The following MEGF11 variants were observed in gnomAD, a reference collection of about 807,000 sequenced individuals.
MEGF11 encodes multiple epidermal growth factor-like domains protein 11.
In MEGF11, 126 loss-of-function variants were observed where a neutral mutation model predicts 146.6. That is an observed-to-expected ratio of 0.86 (90% confidence interval 0.74 to 1.00). The LOEUF (loss-of-function observed/expected upper bound fraction) is 1.00. Ranked by LOEUF, MEGF11 falls within the 50% of genes least tolerant of loss-of-function variation. MEGF11 has a pLI of 0.00. For missense variants in MEGF11, 1,509 were observed against 1,521.2 expected (o/e 0.99, Z 0.13); for synonymous variants, 532 against 583.4 (o/e 0.91, Z 1.27).
intron 1 of MEGF11, among the ~76,000 whole-genome samples, chr15:66,172,261 A>T (rs1275649788): frequency 6.6e-6 from 1 of 152,136 alleles, no homozygotes; most frequent in African/African-American, 2.4e-5. Flanking sequence ...GCAGGAATCA[A>T]AAAATGTCTC....
At chr15:66,001,773 T>C in intron 5 of MEGF11, among the ~76,000 whole-genome samples, 1 of 152,236 alleles carries the variant, frequency 6.6e-6, no homozygotes, top group East Asian at 1.9e-4. Context: ...ACTGGATGTT[T>C]GAACCAAAGG....
rs147863293 is a variant in MEGF11 at position 66,050,418 on chromosome 15, G to A, written c.394+43984C>T. Among the ~76,000 whole-genome samples, 147 of 152,328 alleles carry A rather than the reference G, an allele frequency of 9.7e-4. 2 individuals are homozygous for A. In the East Asian group the frequency reaches 0.026, roughly 27 times the overall value. On this transcript the variant is annotated intron_variant, in intron 5 of 25. Coordinates refer to ENST00000395614, the MANE Select transcript of MEGF11 (RefSeq NM_001385028.1). ...ACACATTTGAGCAAAGACCTGAAGC[G>A]AGCAGTGAGCCATGTGGAGGCAGAG...
intron 3 of MEGF11, among the ~76,000 whole-genome samples, chr15:66,121,582 G>A (rs575641657): frequency 2.0e-5 from 3 of 152,256 alleles, no homozygotes; most frequent in Admixed American, 6.5e-5. Context: ...AATACTCCGG[G>A]CAACTAAAAT....
intron 9 of MEGF11, among the ~76,000 whole-genome samples, chr15:65,961,710 G>C (rs999384424): frequency 1.3e-5 from 2 of 152,254 alleles, no homozygotes; most frequent in African/African-American, 2.4e-5. Context: ...AGACCAGAGA[G>C]AGGCTGGAGC....
chr15:66,053,851 C>T (rs1382946108), intron 5 of MEGF11, among the ~76,000 whole-genome samples: 1 of 151,086 alleles, frequency 6.6e-6, no homozygotes, highest in Admixed American at 6.6e-5. Flanking sequence ...ACCTTAGCCT[C>T]CCAAATAGCT....
intron 5 of MEGF11, among the ~76,000 whole-genome samples, chr15:66,088,342 C>T (rs529599446): frequency 3.1e-4 from 47 of 152,306 alleles, no homozygotes; most frequent in African/African-American, 1.0e-3. Flanking sequence ...CACCCTAATA[C>T]CAAAACCAGG....
At chr15:66,224,006 C>T (rs1375305763) in intron 1 of MEGF11, among the ~76,000 whole-genome samples, 4 of 151,928 alleles carry the variant, frequency 2.6e-5, no homozygotes, top group Admixed American at 1.3e-4. Context: ...GTACAGGTGA[C>T]GGGCCTCTTT....
At chr15:66,093,322 A>T (rs765123649) in intron 5 of MEGF11, among the ~76,000 whole-genome samples, 1 of 152,220 alleles carries the variant, frequency 6.6e-6, no homozygotes, top group Non-Finnish European at 1.5e-5. Flanking sequence ...ATAACTAGAT[A>T]TTTCCACTGC....
At chr15:66,090,627 T>A (rs904314487) in intron 5 of MEGF11, among the ~76,000 whole-genome samples, 4 of 152,138 alleles carry the variant, frequency 2.6e-5, no homozygotes, top group African/African-American at 4.8e-5. Context: ...AATTCTAAAT[T>A]CTGAAGCCAG....
intron 5 of MEGF11, among the ~76,000 whole-genome samples, chr15:66,034,267 T>A (rs1423365513): frequency 6.6e-6 from 1 of 152,210 alleles, no homozygotes; most frequent in African/African-American, 2.4e-5. Context: ...CATATCTGAT[T>A]CAGATGAGAC....
intron 1 of MEGF11, among the ~76,000 whole-genome samples, chr15:66,165,345 G>A (rs1276277909): frequency 2.6e-5 from 4 of 152,192 alleles, no homozygotes; most frequent in African/African-American, 9.7e-5. Context: ...GCAGAGTGGA[G>A]AGAGTACACA....
intron 1 of MEGF11, among the ~76,000 whole-genome samples, chr15:66,186,972 G>C (rs143075432): frequency 6.6e-6 from 1 of 152,192 alleles, no homozygotes; most frequent in East Asian, 1.9e-4. Context: ...TACCAGCTGT[G>C]TGTGGCCTCA....
chr15:66,181,878 C>T lies in MEGF11; in HGVS notation c.-8-53467G>A, dbSNP rs145231147. ...TCCCATCCTGTGAGTTCCATGAATA[C>T]TAATCTGTTTGCTCCTAAATGAGGA... On this transcript the variant is annotated intron_variant, in intron 1 of 25. Coordinates refer to ENST00000395614, the MANE Select transcript of MEGF11 (RefSeq NM_001385028.1). Among the ~76,000 whole-genome samples the T allele has an allele frequency of 3.2e-3, 482 of 152,300 alleles. 4 individuals are homozygous for T. The highest frequency in any genetic ancestry group is 0.011 in the African/African-American group (443 of 41,556).
At chr15:65,902,810 C>T (rs2078527727) in intron 24 of MEGF11, among the ~76,000 whole-genome samples, 1 of 152,178 alleles carries the variant, frequency 6.6e-6, no homozygotes, top group Non-Finnish European at 1.5e-5. Context: ...CTGTCAGAGA[C>T]AGAGGGGGCT....
chr15:65,896,947 T>C lies in MEGF11; in HGVS notation c.*987A>G, dbSNP rs1478175814. ...CATTTGTCCAATTTCCTGTATACTTTTAGGTTTCATACTACGTCAATCTCA... is the reference window on the plus strand; with the variant it reads ...CATTTGTCCAATTTCCTGTATACTTCTAGGTTTCATACTACGTCAATCTCA... On this transcript the variant is annotated 3_prime_UTR_variant, in exon 26 of 26. Coordinates refer to ENST00000395614, the MANE Select transcript of MEGF11 (RefSeq NM_001385028.1). 2 of 152,228 alleles carry C rather than the reference T, an allele frequency of 1.3e-5. No homozygotes were observed. The highest frequency in any genetic ancestry group is 6.5e-5 in the Admixed American group (1 of 15,288). 9.4% of individuals were successfully genotyped at this position (152,228 alleles called of 1,614,324 possible). A position where few individuals can be genotyped will look rare whatever the true frequency, so the allele number is the denominator to read the frequency against.
intron 21 of MEGF11, 120 bp from the exon 22 acceptor site, chr15:65,909,926 G>A: frequency 2.3e-6 from 2 of 875,464 alleles, no homozygotes; most frequent in Non-Finnish European, 3.7e-6. Context: ...CTGGGTCCTA[G>A]GCCGTTGAGA....
chr15:65,972,798 A>G (rs983916901), intron 7 of MEGF11, among the ~76,000 whole-genome samples: 2 of 152,184 alleles, frequency 1.3e-5, no homozygotes, highest in Admixed American at 1.3e-4. Flanking sequence ...TTTCTCAGAA[A>G]GCTATTGTAG....
chr15:66,166,226 T>C (rs2090093005), intron 1 of MEGF11, among the ~76,000 whole-genome samples: 1 of 152,132 alleles, frequency 6.6e-6, no homozygotes, highest in African/African-American at 2.4e-5. Context: ...TTTGCCGCCA[T>C]GGGGAGCTCA....
At chr15:65,940,628 T>C (rs1188791320) in intron 10 of MEGF11, among the ~76,000 whole-genome samples, 2 of 152,184 alleles carry the variant, frequency 1.3e-5, no homozygotes, top group African/African-American at 2.4e-5. Context: ...GAAAAGAAAG[T>C]CTGCATAAGG....
Sources: allele counts gnomAD v4.1 joint callset (sites outside exome capture counted in the v4.1 genomes callset), GRCh38; gene constraint gnomAD v4.1.1; transcripts MANE v1.5; gene names NCBI Gene and HGNC (gene_info 2026-07-23, HGNC 2026-07-21).